The following MAGI1 variants were observed in gnomAD, a reference collection of about 807,000 sequenced individuals.
MAGI1 encodes membrane-associated guanylate kinase, WW and PDZ domain-containing protein 1.
Under a neutral mutation model 139.9 loss-of-function variants are expected in MAGI1, and 58 were observed. The ratio of observed to expected loss-of-function variants is 0.41; its 90% confidence interval spans 0.34 to 0.52. MAGI1 has a LOEUF of 0.52. Ranked by LOEUF, MAGI1 falls within the 20% of genes least tolerant of loss-of-function variation. The pLI is 0.12. For missense variants in MAGI1, 1,874 were observed against 1,901.6 expected, an observed-to-expected ratio of 0.99 and a Z score of 0.27; for synonymous variants, 812 against 737.9, an observed-to-expected ratio of 1.10 and a Z score of -1.63.
chr3:65,928,826 T>C (rs1338548162), intron 1 of MAGI1, among the ~76,000 whole-genome samples: 1 of 152,138 alleles, frequency 6.6e-6, no homozygotes, highest in Non-Finnish European at 1.5e-5. Context: ...GCCCATTATT[T>C]CAGCCTCTAA....
At chr3:65,901,101 C>G (rs1169084363) in intron 1 of MAGI1, among the ~76,000 whole-genome samples, 1 of 152,222 alleles carries the variant, frequency 6.6e-6, no homozygotes, top group Non-Finnish European at 1.5e-5. Flanking sequence ...GATACCCTTA[C>G]AGTAAACATC....
At chr3:65,598,998 A>T (rs1406540178) in intron 2 of MAGI1, among the ~76,000 whole-genome samples, 1 of 152,228 alleles carries the variant, frequency 6.6e-6, no homozygotes, top group Non-Finnish European at 1.5e-5. Context: ...GACGCTATCC[A>T]CTGCCTTCCT....
At chr3:65,844,308 C>G (rs2058909577) in intron 1 of MAGI1, 2 of 334,660 alleles carry the variant, frequency 6.0e-6, no homozygotes, top group East Asian at 1.8e-4. Flanking sequence ...TTAACTGATA[C>G]ACGAGCTCTC....
chr3:65,713,214 C>A (rs1030413844), intron 1 of MAGI1, among the ~76,000 whole-genome samples: 1 of 152,142 alleles, frequency 6.6e-6, no homozygotes, highest in African/African-American at 2.4e-5. Flanking sequence ...TGCAACATCA[C>A]CCTGTCTTCT....
In MAGI1 at chr3:65,947,428, CAT is replaced by C. The variant is rs1273330307; in HGVS notation, c.313+90566_313+90567del. 3.3e-5 allele frequency among the ~76,000 whole-genome samples: 5 copies of C among 152,196 alleles called. No homozygotes were observed. The East Asian group carries it at 9.6e-4, about 29-fold the overall frequency. The stretch of plus-strand genomic sequence containing the variant: ...TGGAGGAACACAAAGAATAATACAA[CAT>C]GTCTCTAAATTCTGACATAAATTTA... On this transcript the variant is annotated intron_variant, in intron 1 of 22. Coordinates refer to ENST00000402939, the MANE Select transcript of MAGI1 (RefSeq NM_001033057.2).
chr3:65,900,191 C>A (rs1266161779), intron 1 of MAGI1, among the ~76,000 whole-genome samples: 17 of 152,098 alleles, frequency 1.1e-4, no homozygotes, highest in Non-Finnish European at 2.5e-4. Flanking sequence ...ATTGCAAGGA[C>A]ACACGCAACA....
At chr3:65,480,986 G>A (rs1174928847) in intron 3 of MAGI1, among the ~76,000 whole-genome samples, 3 of 152,096 alleles carry the variant, frequency 2.0e-5, no homozygotes, top group African/African-American at 7.2e-5. Context: ...TTCTTTGAGA[G>A]GAGTGTAATA....
rs141200236 is a variant in MAGI1 at position 65,983,784 on chromosome 3, T to C, written c.313+54212A>G. Among the ~76,000 whole-genome samples, 48 of 152,264 alleles carry C rather than the reference T, an allele frequency of 3.2e-4. No homozygotes were observed. In the Middle Eastern group the frequency reaches 0.01, roughly 32 times the overall value. ...TTCCAGGGTGGGTAACTTTGCCAAA[T>C]TACTTAACTTCTTTATGTTTCAGTT... On this transcript the variant is annotated intron_variant, in intron 1 of 22. Coordinates refer to ENST00000402939, the MANE Select transcript of MAGI1 (RefSeq NM_001033057.2).
chr3:66,002,286 A>G (rs1358854733), intron 1 of MAGI1, among the ~76,000 whole-genome samples: 1 of 152,194 alleles, frequency 6.6e-6, no homozygotes, highest in Non-Finnish European at 1.5e-5. Context: ...TGTTTCTATA[A>G]TAAATAATTC....
chr3:65,835,869 A>G (rs1490341322), intron 1 of MAGI1, among the ~76,000 whole-genome samples: 1 of 152,152 alleles, frequency 6.6e-6, no homozygotes, highest in Non-Finnish European at 1.5e-5. Flanking sequence ...CTTCTGTTCA[A>G]TCGCCCTGTT....
chr3:65,747,053 C>T (rs1350248912), intron 1 of MAGI1, among the ~76,000 whole-genome samples: 1 of 152,162 alleles, frequency 6.6e-6, no homozygotes, highest in Non-Finnish European at 1.5e-5. Context: ...GACATTCCAG[C>T]TATTCAGGAG....
intron 1 of MAGI1, among the ~76,000 whole-genome samples, chr3:65,821,460 G>A (rs1258197469): frequency 6.6e-6 from 1 of 152,142 alleles, no homozygotes; most frequent in African/African-American, 2.4e-5. Flanking sequence ...AGTGTCTCCT[G>A]GATGAGAAAC....
chr3:65,883,262 A>G (rs995031866), intron 1 of MAGI1, among the ~76,000 whole-genome samples: 4 of 152,226 alleles, frequency 2.6e-5, no homozygotes, highest in Non-Finnish European at 5.9e-5. Flanking sequence ...CACAACAGTT[A>G]TTGAAGTTGG....
At chr3:65,984,785 T>A (rs2065796903) in intron 1 of MAGI1, among the ~76,000 whole-genome samples, 1 of 150,360 alleles carries the variant, frequency 6.7e-6, no homozygotes, top group African/African-American at 2.5e-5. Context: ...TGGGCCCAAG[T>A]GATTCTCCAG....
intron 1 of MAGI1, among the ~76,000 whole-genome samples, chr3:65,632,201 G>A (rs1305436382): frequency 6.6e-6 from 1 of 152,058 alleles, no homozygotes; most frequent in African/African-American, 2.4e-5. Flanking sequence ...ATTACCTAAA[G>A]GTTATGGCAG....
chr3:65,552,361 G>T (rs990715879), intron 2 of MAGI1, among the ~76,000 whole-genome samples: 1 of 152,072 alleles, frequency 6.6e-6, no homozygotes, highest in Admixed American at 6.6e-5. Flanking sequence ...GTGGGAAAAT[G>T]AGAATTAAAA....
intron 2 of MAGI1, among the ~76,000 whole-genome samples, chr3:65,586,044 C>CA (rs960188895): frequency 1.3e-5 from 2 of 151,966 alleles, no homozygotes; most frequent in African/African-American, 2.4e-5. Flanking sequence ...CCTGTCTGTA[C>CA]AAAAAATTTA....
At chr3:65,943,247 C>T (rs1220759347) in intron 1 of MAGI1, among the ~76,000 whole-genome samples, 1 of 151,986 alleles carries the variant, frequency 6.6e-6, no homozygotes, top group Non-Finnish European at 1.5e-5. Flanking sequence ...GTCCCTTTTT[C>T]TCTCTGAACC....
At chr3:65,391,432 C>T (rs1342536620) in intron 13 of MAGI1, 74 bp from the exon 14 acceptor site, 3 of 1,315,658 alleles carry the variant, frequency 2.3e-6, no homozygotes, top group East Asian at 2.4e-5. Flanking sequence ...TTTCCACCAG[C>T]TTGTCTTTGT....
Sources: allele counts gnomAD v4.1 joint callset (sites outside exome capture counted in the v4.1 genomes callset), GRCh38; gene constraint gnomAD v4.1.1; transcripts MANE v1.5; gene names NCBI Gene and HGNC (gene_info 2026-07-23, HGNC 2026-07-21).